The following ELP4 variants were observed in gnomAD, a reference collection of about 807,000 sequenced individuals.
The protein encoded by ELP4 is elongator acetyltransferase complex subunit 4.
A neutral mutation model predicts 48.9 loss-of-function variants in ELP4; 51 were observed. That is an observed-to-expected ratio of 1.04 (90% CI 0.83 to 1.32). The LOEUF is 1.32. Among genes scored for constraint, ELP4 ranks in the 40% most tolerant of loss-of-function variants. ELP4 has a pLI of 0.00. For missense variants in ELP4, 519 were observed against 514.6 expected (o/e 1.01, Z -0.08); for synonymous variants, 210 against 189.2 (o/e 1.11, Z -0.90).
chr11:31,771,290 C>T (rs911407804), intron 9 of ELP4, among the ~76,000 whole-genome samples: 30 of 152,176 alleles, frequency 2.0e-4, no homozygotes, highest in African/African-American at 7.2e-4. Context: ...CCAGTATATA[C>T]CACCTTTGGG....
At chr11:31,636,397 G>T (rs1443388099) in intron 7 of ELP4, among the ~76,000 whole-genome samples, 1 of 151,770 alleles carries the variant, frequency 6.6e-6, no homozygotes, top group African/African-American at 2.4e-5. Context: ...AATATTAAAG[G>T]TACTTTGTAT....
At chr11:31,667,496 A>C (rs1158887332) in intron 9 of ELP4, among the ~76,000 whole-genome samples, 2 of 152,220 alleles carry the variant, frequency 1.3e-5, no homozygotes, top group Admixed American at 6.5e-5. Flanking sequence ...TTTGGATGTA[A>C]CATAATTTAT....
intron 9 of ELP4, among the ~76,000 whole-genome samples, chr11:31,658,923 G>T (rs1471678453): frequency 6.6e-6 from 1 of 151,888 alleles, no homozygotes; most frequent in African/African-American, 2.4e-5. Context: ...AGCTTGATTT[G>T]CTGGAAGTTC....
chr11:31,664,708 T>C (rs959870045), intron 9 of ELP4, among the ~76,000 whole-genome samples: 3 of 152,110 alleles, frequency 2.0e-5, no homozygotes, highest in African/African-American at 4.8e-5. Flanking sequence ...TCTGGAAATA[T>C]GCAGCTGAAG....
intron 9 of ELP4, among the ~76,000 whole-genome samples, chr11:31,696,804 C>G (rs916342327): frequency 6.6e-6 from 1 of 151,954 alleles, no homozygotes; most frequent in African/African-American, 2.4e-5. Flanking sequence ...AAATTCACAC[C>G]TAACAATATT....
chr11:31,767,037 CAAG>C (rs1948056019), intron 9 of ELP4, among the ~76,000 whole-genome samples: 1 of 152,070 alleles, frequency 6.6e-6, no homozygotes, highest in African/African-American at 2.4e-5. Context: ...CTGAGTATCT[CAAG>C]AAATTCTTAT....
rs754552726 is a variant in ELP4 at position 31,612,531 on chromosome 11, C to T, written c.653+8624C>T. Among the ~76,000 whole-genome samples the T allele has an allele frequency of 3.0e-4, 46 of 152,044 alleles. No homozygotes were observed. The Middle Eastern group carries it at 0.01, about 34-fold the overall frequency. On this transcript the variant is annotated intron_variant, in intron 5 of 9. Coordinates refer to ENST00000640961, the MANE Select transcript of ELP4 (RefSeq NM_019040.5). ...AGGACAAAGAACAAAGAAGTTTAAA[C>T]GATTAAAAACAGTGAACAAAATGTT... is the stretch of plus-strand genomic sequence containing the variant.
At position 31,754,037 on chromosome 11, in the gene ELP4, T is replaced by C. The variant is rs114420139; in HGVS notation, c.1144-29356T>C. On this transcript the variant is annotated intron_variant, in intron 9 of 9. Coordinates refer to ENST00000640961, the MANE Select transcript of ELP4 (RefSeq NM_019040.5). ...TTAATTAATGTTATTTTCTGAGTTT[T>C]CTATATGTTTGAAGTATTTCTACGT... Among the ~76,000 whole-genome samples, 1,213 of 152,266 alleles carry C rather than the reference T, an allele frequency of 8.0e-3. 17 individuals carry two copies. Among genetic ancestry groups the C allele is most frequent in the African/African-American group, 0.028 (1,150 of 41,546 alleles).
In ELP4 at chr11:31,578,059, C is replaced by T. The variant is rs547777749; in HGVS notation, c.382-16711C>T. On this transcript the variant is annotated intron_variant, in intron 3 of 9. Transcript: ENST00000640961. ...ATTTAGAAAACCCCATCGTCTCAGC[C>T]CAAAATCTCCTTAAGCTGATAAGCA... 2.0e-5 allele frequency among the ~76,000 whole-genome samples: 3 copies of T among 152,216 alleles called. No homozygotes were observed. The East Asian group carries it at 5.8e-4, about 29-fold the overall frequency.
chr11:31,622,150 A>G (rs1246895268), intron 5 of ELP4, among the ~76,000 whole-genome samples: 1 of 151,868 alleles, frequency 6.6e-6, no homozygotes, highest in Non-Finnish European at 1.5e-5. Context: ...TTGAAAATCA[A>G]CCTAAGAGCC....
At chr11:31,606,371 C>T (rs1957875080) in intron 5 of ELP4, among the ~76,000 whole-genome samples, 1 of 151,896 alleles carries the variant, frequency 6.6e-6, no homozygotes, top group Admixed American at 6.6e-5. Context: ...CTATACTTTT[C>T]CTATAATTAA....
At chr11:31,549,943 A>C (rs1956813064) in intron 3 of ELP4, among the ~76,000 whole-genome samples, 1 of 152,130 alleles carries the variant, frequency 6.6e-6, no homozygotes, top group African/African-American at 2.4e-5. Flanking sequence ...CAATGAGAAC[A>C]CATGGACACA....
chr11:31,534,309 G>A (rs949642182), intron 2 of ELP4, among the ~76,000 whole-genome samples: 1 of 151,700 alleles, frequency 6.6e-6, no homozygotes, highest in South Asian at 2.1e-4. Context: ...GCGAGAGAGA[G>A]AGAAAGAGGA....
chr11:31,552,357 C>T (rs544272529), intron 3 of ELP4, among the ~76,000 whole-genome samples: 2 of 152,224 alleles, frequency 1.3e-5, no homozygotes, highest in African/African-American at 4.8e-5. Context: ...CTACTTGGAC[C>T]TATCCAGAGC....
Position 31,548,206 on chromosome 11 carries a change from A to G in ELP4, c.381+8423A>G, listed in dbSNP as rs543151120. Among the ~76,000 whole-genome samples the G allele has an allele frequency of 7.9e-5, 12 of 152,300 alleles. No homozygotes were observed. In the East Asian group the frequency reaches 1.9e-3, roughly 25 times the overall value. Reference sequence around the variant, plus strand: ...AGAGGAAGTCAAATTGTCCCTGTTTACAGATGACGTGATTGTATATCTAGA... The same window carrying G: ...AGAGGAAGTCAAATTGTCCCTGTTTGCAGATGACGTGATTGTATATCTAGA... On this transcript the variant is annotated intron_variant, in intron 3 of 9. Coordinates refer to ENST00000640961, the MANE Select transcript of ELP4 (RefSeq NM_019040.5).
intron 9 of ELP4, among the ~76,000 whole-genome samples, chr11:31,659,256 A>G (rs985396063): frequency 6.6e-6 from 1 of 152,110 alleles, no homozygotes; most frequent in Non-Finnish European, 1.5e-5. Context: ...CACAGTAGAC[A>G]TTTTATAGAG....
At chr11:31,764,177 A>AT in intron 9 of ELP4, among the ~76,000 whole-genome samples, 1 of 152,258 alleles carries the variant, frequency 6.6e-6, no homozygotes, top group East Asian at 1.9e-4. Context: ...GATAATGTCT[A>AT]TTTTATACCT....
intron 9 of ELP4, among the ~76,000 whole-genome samples, chr11:31,779,524 C>T (rs1948324011): frequency 6.6e-6 from 1 of 152,142 alleles, no homozygotes; most frequent in African/African-American, 2.4e-5. Flanking sequence ...GACGGAGAGG[C>T]AAGTAGAGGG....
At chr11:31,669,735 A>T (rs1310618017) in intron 9 of ELP4, among the ~76,000 whole-genome samples, 1 of 152,066 alleles carries the variant, frequency 6.6e-6, no homozygotes, top group Non-Finnish European at 1.5e-5. Context: ...CTAATGTTTA[A>T]CTCTGCTAAA....
Sources: allele counts gnomAD v4.1 joint callset (sites outside exome capture counted in the v4.1 genomes callset), GRCh38; gene constraint gnomAD v4.1.1; transcripts MANE v1.5; gene names NCBI Gene and HGNC (gene_info 2026-07-23, HGNC 2026-07-21).